C19orf47: variants seen among roughly 807,000 people sequenced by gnomAD.
The protein encoded by C19orf47 is uncharacterized protein C19orf47.
A neutral mutation model predicts 32.3 loss-of-function variants in C19orf47; 18 were observed. The ratio of observed to expected loss-of-function variants is 0.56; its 90% confidence interval spans 0.39 to 0.83. C19orf47 has a LOEUF of 0.83. Among genes scored for constraint, C19orf47 ranks in the 40% least tolerant of loss-of-function variants. The probability of loss-of-function intolerance (pLI) is 0.00; values close to 1 mark genes in which losing one functional copy is unlikely to be tolerated. For missense variants in C19orf47, 484 were observed against 531.6 expected (o/e 0.91, Z 0.88); for synonymous variants, 202 against 211.1 (o/e 0.96, Z 0.37).
chr19:40,332,916 C>T (rs1012560927), intron 5 of C19orf47, among the ~76,000 whole-genome samples: 3 of 152,154 alleles, frequency 2.0e-5, no homozygotes, highest in Admixed American at 2.0e-4. Flanking sequence ...TACTTGATGT[C>T]ATGAATGTGA....
At position 40,336,421 on chromosome 19, in the gene C19orf47, C is replaced by T. The variant is rs566208626; in HGVS notation, c.20-14G>A. On this transcript the variant is annotated splice_polypyrimidine_tract_variant and intron_variant, in intron 2 of 8. Coordinates refer to ENST00000683109, the MANE Select transcript of C19orf47 (RefSeq NM_001256441.2). ...ACTCGGAAGTGGCTGTGGGGTTGGA[C>T]AGGGCTCATTACTCACACTGTCCTC... 10 of 1,607,494 alleles carry T rather than the reference C, an allele frequency of 6.2e-6. No homozygotes were observed. Among genetic ancestry groups the T allele is most frequent in the African/African-American group, 1.3e-5 (1 of 74,770 alleles).
At chr19:40,309,736 AG>A in the C19orf47 span, among the ~76,000 whole-genome samples, 1 of 152,110 alleles carries the variant, frequency 6.6e-6, no homozygotes, top group Admixed American at 6.6e-5. Context: ...CTTTAAAAGG[AG>A]CTTTTTCCAA....
At chr19:40,305,197 G>C in the C19orf47 span, among the ~76,000 whole-genome samples, 1 of 152,078 alleles carries the variant, frequency 6.6e-6, no homozygotes, top group Non-Finnish European at 1.5e-5. Context: ...ACAAAAATTA[G>C]CCAGGCGTTG....
chr19:40,336,025 G>T, intron 4 of C19orf47, 85 bp downstream of exon 4: 2 of 1,267,156 alleles, frequency 1.6e-6, no homozygotes, highest in Non-Finnish European at 2.3e-6. Flanking sequence ...GCCTGCCTCT[G>T]CTGCCAGGCC....
At chr19:40,316,909 C>T (rs773558378), downstream of C19orf47, among the ~76,000 whole-genome samples, 1 of 151,908 alleles carries the variant, frequency 6.6e-6, no homozygotes. Flanking sequence ...TACTAAGACA[C>T]GTGTATGCTT....
In C19orf47 at chr19:40,319,800, T is replaced by A. The variant is rs1463229152; in HGVS notation, c.*2082A>T. Reference sequence around the variant, plus strand: ...ATCCACCCGCCTTGGCCTCCCAAACTGCTGGGATTACAAGCGTAAGCCACC... The same window carrying A: ...ATCCACCCGCCTTGGCCTCCCAAACAGCTGGGATTACAAGCGTAAGCCACC... On this transcript the variant is annotated 3_prime_UTR_variant, in exon 9 of 9. Transcript: ENST00000683109. 3.9e-5 allele frequency: 6 copies of A among 153,754 alleles called. No homozygotes were observed. The highest frequency in any genetic ancestry group is 7.3e-5 in the Non-Finnish European group (5 of 68,130). 9.5% of individuals were successfully genotyped at this position (153,754 alleles called of 1,614,324 possible).
At position 40,345,687 on chromosome 19, in the gene C19orf47, C is replaced by T. The variant is rs1366927209; in HGVS notation, c.-34+2637G>A. On this transcript the variant is annotated intron_variant, in intron 1 of 8. Transcript: ENST00000683109. The stretch of plus-strand genomic sequence containing the variant: ...TGAAACCCCATCTCTACTAAAAATA[C>T]AAAAATTAGCCAGGCATGGTGGTGT... Among the ~76,000 whole-genome samples the T allele has an allele frequency of 4.7e-5, 7 of 148,144 alleles. No homozygotes were observed. The East Asian group carries it at 1.4e-3, about 30-fold the overall frequency.
At chr19:40,326,254 G>A (rs991465366) in intron 7 of C19orf47, 80 bp downstream of exon 7, 169 of 1,564,170 alleles carry the variant, frequency 1.1e-4, no homozygotes, top group Middle Eastern at 2.0e-4. Flanking sequence ...GCCACCGTCT[G>A]TAGGATATGA....
the C19orf47 span, among the ~76,000 whole-genome samples, chr19:40,294,386 A>G: frequency 6.6e-6 from 1 of 151,850 alleles, no homozygotes; most frequent in African/African-American, 2.4e-5. Flanking sequence ...ATGTGTGCGA[A>G]CTAGTTCTTG....
the C19orf47 span, among the ~76,000 whole-genome samples, chr19:40,313,666 T>C: frequency 3.3e-5 from 5 of 152,214 alleles, no homozygotes; most frequent in South Asian, 6.2e-4. Flanking sequence ...TGGGGTTCCA[T>C]ATTAAGGCTT....
intron 6 of C19orf47, 40 bp downstream of exon 6, chr19:40,328,373 C>A (rs1484634566): frequency 2.5e-6 from 4 of 1,605,436 alleles, no homozygotes; most frequent in East Asian, 2.3e-5. Flanking sequence ...AACCCACGTT[C>A]CCCTCCAGCT....
downstream of C19orf47, among the ~76,000 whole-genome samples, chr19:40,316,966 G>GTGTGTGTA (rs1555783559): frequency 6.6e-6 from 1 of 151,574 alleles, no homozygotes; most frequent in East Asian, 1.9e-4. Flanking sequence ...GTGTGTGTGT[G>GTGTGTGTA]TACATCTCAC....
intron 2 of C19orf47, among the ~76,000 whole-genome samples, chr19:40,339,442 C>A (rs1463114099): frequency 6.6e-6 from 1 of 152,122 alleles, no homozygotes; most frequent in Non-Finnish European, 1.5e-5. Flanking sequence ...TGTGATAGCT[C>A]CAACCCAGTA....
chr19:40,300,695 C>G, the C19orf47 span, among the ~76,000 whole-genome samples: 5 of 152,146 alleles, frequency 3.3e-5, no homozygotes, highest in Non-Finnish European at 7.3e-5. Context: ...TGGTTCTTCT[C>G]TAAAAGCATT....
chr19:40,341,992 G>A lies in C19orf47; in HGVS notation c.-33-102C>T, dbSNP rs1019921839. 2.6e-6 allele frequency: 4 copies of A among 1,521,558 alleles called. No individual in the cohort carries two copies. In the African/African-American group the frequency reaches 5.5e-5, roughly 21 times the overall value. The allele number at this position is 1,521,558 out of a possible 1,614,324, so 94.3% of individuals were successfully genotyped here. A position where few individuals can be genotyped will look rare whatever the true frequency, so the allele number is the denominator to read the frequency against. On this transcript the variant is annotated intron_variant, in intron 1 of 8. Coordinates refer to ENST00000683109, the MANE Select transcript of C19orf47 (RefSeq NM_001256441.2). ...CTGCATGCCAGAGGAATGTTCCTGG[G>A]CTAGGGGCTCACCGCCCAGGAATAG...
chr19:40,295,014 G>A, the C19orf47 span, among the ~76,000 whole-genome samples: 1 of 152,106 alleles, frequency 6.6e-6, no homozygotes, highest in Non-Finnish European at 1.5e-5. Flanking sequence ...GGCAACAAAG[G>A]TCTTTGCTTT....
At chr19:40,299,114 A>G in the C19orf47 span, among the ~76,000 whole-genome samples, 1 of 152,130 alleles carries the variant, frequency 6.6e-6, no homozygotes, top group East Asian at 1.9e-4. Flanking sequence ...TGTCTTATCA[A>G]AATAATTTTC....
chr19:40,313,146 C>G, the C19orf47 span, among the ~76,000 whole-genome samples: 1 of 152,156 alleles, frequency 6.6e-6, no homozygotes, highest in Non-Finnish European at 1.5e-5. Context: ...TACATTCCAT[C>G]AGCAAAGTAT....
At chr19:40,341,705 C>T in intron 2 of C19orf47, 134 bp downstream of exon 2, 1 of 1,316,222 alleles carries the variant, frequency 7.6e-7, no homozygotes. Context: ...CCCACCCTGC[C>T]ACGGTCCTCA....
Sources: allele counts gnomAD v4.1 joint callset (sites outside exome capture counted in the v4.1 genomes callset), GRCh38; gene constraint gnomAD v4.1.1; transcripts MANE v1.5; gene names NCBI Gene and HGNC (gene_info 2026-07-23, HGNC 2026-07-21).